The following NTM variants were observed in gnomAD, a reference collection of about 807,000 sequenced individuals.
The protein encoded by NTM is IgLON family member 2.
In NTM, 13 loss-of-function variants were observed where a neutral mutation model predicts 42.1. The ratio of observed to expected loss-of-function variants is 0.31; its 90% CI spans 0.20 to 0.49. The LOEUF is 0.49. Among genes scored for constraint, NTM ranks in the 20% least tolerant of loss-of-function variants. NTM has a pLI of 0.99. For synonymous variants in NTM, 187 were observed against 179.2 expected (o/e 1.04, Z -0.35); for missense variants, 373 against 452.8 (o/e 0.82, Z 1.60).
At chr11:132,247,567 C>T (rs972832556) in intron 4 of NTM, among the ~76,000 whole-genome samples, 2 of 152,026 alleles carry the variant, frequency 1.3e-5, no homozygotes, top group Non-Finnish European at 2.9e-5. Flanking sequence ...TAATGAAGTG[C>T]AAAATTGTTT....
At chr11:131,923,176 G>A (rs1297885213) in intron 2 of NTM, among the ~76,000 whole-genome samples, 1 of 152,070 alleles carries the variant, frequency 6.6e-6, no homozygotes, top group Non-Finnish European at 1.5e-5. Context: ...ACCTAGAGAA[G>A]TCTGTTATTT....
chr11:131,434,142 C>A (rs1471532292), intron 1 of NTM, among the ~76,000 whole-genome samples: 2 of 152,176 alleles, frequency 1.3e-5, no homozygotes, highest in African/African-American at 2.4e-5. Flanking sequence ...CTTTTTATGG[C>A]TGCATAATAT....
At chr11:131,428,474 C>A (rs1258451848) in intron 1 of NTM, among the ~76,000 whole-genome samples, 1 of 152,104 alleles carries the variant, frequency 6.6e-6, no homozygotes, top group African/African-American at 2.4e-5. Context: ...TCCTATGAGA[C>A]CTGCTTTGGA....
At chr11:132,318,243 T>C (rs2095480783) in intron 7 of NTM, among the ~76,000 whole-genome samples, 1 of 152,210 alleles carries the variant, frequency 6.6e-6, no homozygotes, top group Non-Finnish European at 1.5e-5. Flanking sequence ...CTCTTTGGTC[T>C]TGGGTGACTC....
In NTM at chr11:131,878,589, AAAAAAATATATATATATATATAT is replaced by A. The variant is rs1182230100; in HGVS notation, c.83-32973_83-32951del. Among the ~76,000 whole-genome samples the A allele has an allele frequency of 7.8e-5, 5 of 63,846 alleles. 1 individual carries two copies. The highest frequency in any genetic ancestry group is 5.7e-4 in the South Asian group (1 of 1,768). 41.9% of individuals were successfully genotyped at this position (63,846 alleles called of 152,430 possible). A position where few individuals can be genotyped will look rare whatever the true frequency, so the allele number is the denominator to read the frequency against. On this transcript the variant is annotated intron_variant, in intron 1 of 8. Transcript: ENST00000683400. ...CATCTCAAAAAAAAAAAAAAAAAAAAAAAAAATATATATATATATATATATATATATATATATATATATATATA... is the reference window on the plus strand; with the variant it reads ...CATCTCAAAAAAAAAAAAAAAAAAAAATATATATATATATATATATATATA...
intron 1 of NTM, among the ~76,000 whole-genome samples, chr11:131,887,956 G>T (rs983276879): frequency 6.6e-6 from 1 of 152,198 alleles, no homozygotes; most frequent in African/African-American, 2.4e-5. Flanking sequence ...TTTAGTAAGT[G>T]AAGGAGCCAT....
chr11:132,168,362 C>A (rs2075606519), intron 3 of NTM, among the ~76,000 whole-genome samples: 1 of 152,184 alleles, frequency 6.6e-6, no homozygotes, highest in South Asian at 2.1e-4. Flanking sequence ...TAAAGGTTGA[C>A]TTGGTCCATT....
chr11:131,479,420 C>T (rs1953305922), intron 1 of NTM, among the ~76,000 whole-genome samples: 1 of 152,084 alleles, frequency 6.6e-6, no homozygotes, highest in African/African-American at 2.4e-5. Flanking sequence ...TTCATCACAA[C>T]ATGAGAGCAG....
At chr11:132,047,015 C>T (rs2078114648) in intron 2 of NTM, among the ~76,000 whole-genome samples, 1 of 152,166 alleles carries the variant, frequency 6.6e-6, no homozygotes, top group Non-Finnish European at 1.5e-5. Flanking sequence ...CTCCGTTTTA[C>T]CCATGGAACC....
chr11:132,134,258 G>A (rs1022022025), intron 2 of NTM, among the ~76,000 whole-genome samples: 1 of 152,052 alleles, frequency 6.6e-6, no homozygotes. Flanking sequence ...TTCTTCCTAG[G>A]GGGAACACCT....
At chr11:131,680,126 G>T (rs1012087980) in intron 1 of NTM, among the ~76,000 whole-genome samples, 4 of 152,042 alleles carry the variant, frequency 2.6e-5, no homozygotes, top group African/African-American at 4.8e-5. Flanking sequence ...CAGTCCAGGA[G>T]CCCTGACCCC....
At chr11:131,473,521 C>A (rs1350312310) in intron 1 of NTM, among the ~76,000 whole-genome samples, 4 of 152,120 alleles carry the variant, frequency 2.6e-5, no homozygotes, top group Non-Finnish European at 4.4e-5. Context: ...CTCCTCTCAG[C>A]AAAGAGGCAG....
chr11:131,756,953 G>C (rs67375964), intron 1 of NTM, among the ~76,000 whole-genome samples: 27,460 of 152,102 alleles, frequency 0.18, 3,246 homozygotes, highest in African/African-American at 0.34. Flanking sequence ...ACGGGATCCA[G>C]CAATTTTATG....
chr11:131,644,548 GA>G (rs1358178183), intron 1 of NTM, among the ~76,000 whole-genome samples: 1 of 152,198 alleles, frequency 6.6e-6, no homozygotes, highest in Non-Finnish European at 1.5e-5. Context: ...ACTCGCCACA[GA>G]AGTTTATTTT....
At chr11:132,248,821 G>T (rs529418527) in intron 4 of NTM, among the ~76,000 whole-genome samples, 1 of 152,356 alleles carries the variant, frequency 6.6e-6, no homozygotes, top group African/African-American at 2.4e-5. Context: ...CTTTTGCTCA[G>T]CTGCACTGCC....
chr11:131,518,969 TC>T (rs2049243914), intron 1 of NTM, among the ~76,000 whole-genome samples: 2 of 152,242 alleles, frequency 1.3e-5, no homozygotes, highest in South Asian at 4.1e-4. Context: ...AGGTGCATTT[TC>T]CTTTTTATTT....
intron 1 of NTM, among the ~76,000 whole-genome samples, chr11:131,643,710 G>T (rs2065422156): frequency 1.3e-5 from 2 of 152,190 alleles, no homozygotes; most frequent in Non-Finnish European, 2.9e-5. Flanking sequence ...ACTATGTGCT[G>T]TCTGGTTGCT....
intron 2 of NTM, among the ~76,000 whole-genome samples, chr11:132,008,757 G>A (rs2071397106): frequency 6.6e-6 from 1 of 151,386 alleles, no homozygotes; most frequent in Admixed American, 6.6e-5. Flanking sequence ...TGTCCTTTCT[G>A]TCTTGCCACA....
intron 2 of NTM, among the ~76,000 whole-genome samples, chr11:131,964,597 A>G (rs1416987098): frequency 6.6e-6 from 1 of 152,206 alleles, no homozygotes; most frequent in Non-Finnish European, 1.5e-5. Flanking sequence ...TCAAAGCTTC[A>G]AAGACTTTTT....
Sources: gnomAD v4.1 joint callset for allele counts (sites outside exome capture counted in the v4.1 genomes callset) on GRCh38, gnomAD v4.1.1 for gene constraint, MANE v1.5 for transcripts, NCBI Gene and HGNC (gene_info 2026-07-23, HGNC 2026-07-21) for gene names.